The following MKLN1 variants were observed in gnomAD, a reference collection of about 807,000 sequenced individuals.
MKLN1 encodes the protein muskelin.
A neutral mutation model predicts 99.0 loss-of-function variants in MKLN1; 18 were observed. The ratio of observed to expected loss-of-function variants is 0.18; its 90% CI spans 0.13 to 0.27. MKLN1 has a LOEUF of 0.27. MKLN1 is among the 10% of genes least tolerant of loss of function. The probability of loss-of-function intolerance (pLI) is 1.00; values close to 1 mark genes in which losing one functional copy is unlikely to be tolerated. For missense variants in MKLN1, 621 were observed against 875.9 expected (o/e 0.71, Z 3.67); for synonymous variants, 288 against 293.2 (o/e 0.98, Z 0.18).
At chr7:131,110,458 G>A (rs1185099015) in intron 1 of MKLN1, among the ~76,000 whole-genome samples, 2 of 152,174 alleles carry the variant, frequency 1.3e-5, no homozygotes, top group East Asian at 1.9e-4. Flanking sequence ...CAGAGCTGGA[G>A]GCAATGATTC....
chr7:131,249,350 G>A (rs1378235932), intron 3 of MKLN1, among the ~76,000 whole-genome samples: 1 of 152,216 alleles, frequency 6.6e-6, no homozygotes, highest in African/African-American at 2.4e-5. Flanking sequence ...AAGTTGCAAT[G>A]CCTTGGCAAT....
chr7:131,152,501 C>CTT (rs5887498), intron 2 of MKLN1, among the ~76,000 whole-genome samples: 1 of 126,266 alleles, frequency 7.9e-6, no homozygotes, highest in Admixed American at 7.9e-5. Context: ...TTCTTTTTTT[C>CTT]TTTTTTTTTT....
chr7:131,177,632 T>C (rs967153263), intron 2 of MKLN1, among the ~76,000 whole-genome samples: 3 of 152,218 alleles, frequency 2.0e-5, no homozygotes, highest in African/African-American at 7.2e-5. Flanking sequence ...GACTTCATGT[T>C]CCATCAAATT....
At chr7:131,331,694 G>A (rs549364099) in intron 1 of MKLN1, among the ~76,000 whole-genome samples, 10 of 152,108 alleles carry the variant, frequency 6.6e-5, no homozygotes, top group African/African-American at 1.4e-4. Context: ...CTTCTGTTAC[G>A]AAAGCTGTTC....
rs200818969 is a variant in MKLN1, at chr7:131,300,709, AAG to A, written c.-178-74713_-178-74712del. Reference sequence around the variant, plus strand: ...TCTCAAAAAAAAAAAAACAACCAAAAAGAAAAAAAAAGAATGTGGAATCTCTA... The same window carrying A: ...TCTCAAAAAAAAAAAAACAACCAAAAAAAAAAAAAGAATGTGGAATCTCTA... On this transcript the variant is annotated intron_variant, in intron 3 of 7. Transcript: ENST00000416992. 9.4e-4 allele frequency among the ~76,000 whole-genome samples: 110 copies of A among 117,518 alleles called. 3 individuals are homozygous for A. Among genetic ancestry groups the A allele is most frequent in the East Asian group, 1.1e-3 (4 of 3,508 alleles). The allele number at this position is 117,518 out of a possible 152,430, so 77.1% of individuals were successfully genotyped here. A position where few individuals can be genotyped will look rare whatever the true frequency, so the allele number is the denominator to read the frequency against.
At chr7:131,310,973 A>C (rs1323562277) in intron 3 of MKLN1, among the ~76,000 whole-genome samples, 35 of 151,862 alleles carry the variant, frequency 2.3e-4, no homozygotes, top group Admixed American at 2.3e-3. Flanking sequence ...AGTTTTCTTG[A>C]CTCTGGAAGA....
chr7:131,192,775 C>T lies in MKLN1; in HGVS notation c.-296-10082C>T, dbSNP rs752702204. ...CAGGCTGGTCTCGAACTCCTGACCTCGTGATCCACCTGCCTCAGCCTCCCA... is the reference window on the plus strand; with the variant it reads ...CAGGCTGGTCTCGAACTCCTGACCTTGTGATCCACCTGCCTCAGCCTCCCA... On this transcript the variant is annotated intron_variant, in intron 2 of 7. Transcript: ENST00000416992. Among the ~76,000 whole-genome samples, 256 of 151,816 alleles carry T rather than the reference C, an allele frequency of 1.7e-3. 1 individual carries two copies. Among genetic ancestry groups the T allele is most frequent in the Non-Finnish European group, 1.9e-3 (129 of 67,960 alleles).
At chr7:131,464,215 A>G (rs1178953523) in intron 13 of MKLN1, 79 bp from the exon 14 acceptor site, 20 of 737,110 alleles carry the variant, frequency 2.7e-5, no homozygotes, top group South Asian at 2.3e-5. Context: ...GTAATTAGAC[A>G]TGCAGTTAAT....
intron 16 of MKLN1, chr7:131,471,929 C>A (rs1022990692): frequency 6.6e-6 from 1 of 152,216 alleles, no homozygotes; most frequent in Admixed American, 6.5e-5. Flanking sequence ...TTCATAGTTT[C>A]GTACTATAAA....
At chr7:131,235,914 T>C (rs1020818093) in intron 3 of MKLN1, among the ~76,000 whole-genome samples, 5 of 152,188 alleles carry the variant, frequency 3.3e-5, no homozygotes, top group African/African-American at 4.8e-5. Flanking sequence ...ACCGTCACCT[T>C]GGAAACCAAT....
In MKLN1 at chr7:131,369,154, T is replaced by A. The variant is rs117509642; in HGVS notation, c.99-6270T>A. On this transcript the variant is annotated intron_variant, in intron 1 of 17. Transcript: ENST00000352689. ...GTTCCATGATGTATGTTCTATAATT[T>A]ATTTGATCATTTCCTTGCTACTTCA... Among the ~76,000 whole-genome samples the A allele has an allele frequency of 4.0e-4, 61 of 152,322 alleles. No individual in the cohort carries two copies. In the East Asian group the frequency reaches 0.012, roughly 29 times the overall value.
chr7:131,129,965 T>G (rs1038561524), intron 1 of MKLN1, among the ~76,000 whole-genome samples: 2 of 152,170 alleles, frequency 1.3e-5, no homozygotes, highest in African/African-American at 2.4e-5. Flanking sequence ...TGGTAGTGGA[T>G]TTATAATTGA....
At chr7:131,297,428 T>TGTAC (rs79163557) in intron 3 of MKLN1, among the ~76,000 whole-genome samples, 1 of 150,412 alleles carries the variant, frequency 6.6e-6, no homozygotes, top group Non-Finnish European at 1.5e-5. Flanking sequence ...TGTGTGTGTG[T>TGTAC]ACATACACAC....
intron 3 of MKLN1, among the ~76,000 whole-genome samples, chr7:131,209,507 C>A (rs1162832249): frequency 6.6e-6 from 1 of 152,064 alleles, no homozygotes; most frequent in African/African-American, 2.4e-5. Context: ...GAAAAAGGAA[C>A]CAAAGATATG....
At chr7:131,257,305 A>G (rs894870424) in intron 3 of MKLN1, among the ~76,000 whole-genome samples, 4 of 152,224 alleles carry the variant, frequency 2.6e-5, no homozygotes, top group Non-Finnish European at 4.4e-5. Flanking sequence ...ATCAAAATCA[A>G]TAAGACAAGT....
At chr7:131,359,519 C>T (rs1799968127) in intron 1 of MKLN1, among the ~76,000 whole-genome samples, 1 of 152,054 alleles carries the variant, frequency 6.6e-6, no homozygotes, top group Admixed American at 6.6e-5. Context: ...ATTGATGATG[C>T]TCTTCAGTTC....
chr7:131,142,793 T>C, intron 1 of MKLN1: 1 of 600,464 alleles, frequency 1.7e-6, no homozygotes, highest in South Asian at 1.7e-5. Flanking sequence ...AGACTTCACA[T>C]CTGTCCCTTG....
intron 17 of MKLN1, among the ~76,000 whole-genome samples, chr7:131,486,784 T>TG (rs1173367991): frequency 6.6e-6 from 1 of 151,980 alleles, no homozygotes; most frequent in African/African-American, 2.4e-5. Flanking sequence ...AACCAATTGA[T>TG]GAAGACAGCA....
intron 3 of MKLN1, among the ~76,000 whole-genome samples, chr7:131,312,403 TG>T (rs1159036176): frequency 6.6e-6 from 1 of 152,224 alleles, no homozygotes; most frequent in Non-Finnish European, 1.5e-5. Flanking sequence ...AAGAAAGCCC[TG>T]TTATTCTGAA....
Sources: allele counts gnomAD v4.1 joint callset (sites outside exome capture counted in the v4.1 genomes callset), GRCh38; gene constraint gnomAD v4.1.1; transcripts MANE v1.5; gene names NCBI Gene and HGNC (gene_info 2026-07-23, HGNC 2026-07-21).